Variants in DDX60L observed in about 807,000 individuals in gnomAD.
The protein encoded by DDX60L is DExD/H-box 60 like.
DDX60L carries 191 observed loss-of-function variants against 211.6 expected under a neutral mutation model. The ratio of observed to expected loss-of-function variants is 0.90; its 90% CI spans 0.80 to 1.02. The LOEUF is 1.02. Among genes scored for constraint, DDX60L ranks in the 50% least tolerant of loss-of-function variants. The probability of loss-of-function intolerance (pLI) is 0.00; values close to 1 mark genes in which losing one functional copy is unlikely to be tolerated. For synonymous variants in DDX60L, 706 were observed against 694.1 expected (o/e 1.02, Z -0.27); for missense variants, 2,007 against 1,984.1 (o/e 1.01, Z -0.22).
intron 13 of DDX60L, among the ~76,000 whole-genome samples, chr4:168,428,504 A>G (rs1168477009): frequency 2.0e-5 from 3 of 152,058 alleles, no homozygotes; most frequent in African/African-American, 7.2e-5. Context: ...CATTTTTTGG[A>G]TCTTTTCCTT....
chr4:168,385,241 T>C (rs1743659270), intron 29 of DDX60L, among the ~76,000 whole-genome samples: 1 of 152,172 alleles, frequency 6.6e-6, no homozygotes, highest in Non-Finnish European at 1.5e-5. Context: ...CAGTGGCTAA[T>C]GGTTTAATTC....
intron 8 of DDX60L, among the ~76,000 whole-genome samples, chr4:168,452,174 C>G (rs1052460958): frequency 5.3e-5 from 8 of 152,170 alleles, no homozygotes; most frequent in Non-Finnish European, 1.2e-4. Context: ...ATGTGTGGAC[C>G]AGCTGCCTGA....
intron 32 of DDX60L, 131 bp downstream of exon 32, chr4:168,379,232 T>C: frequency 1.3e-6 from 1 of 786,240 alleles, no homozygotes; most frequent in Non-Finnish European, 1.9e-6. Context: ...TCTGTAAATC[T>C]GAACATATAC....
chr4:168,451,626 T>C (rs1323667691), intron 8 of DDX60L, among the ~76,000 whole-genome samples: 3 of 152,216 alleles, frequency 2.0e-5, no homozygotes, highest in African/African-American at 7.2e-5. Context: ...TTTGGATGTC[T>C]ACAATGCGCT....
Position 168,373,718 on chromosome 4 carries a change from C to G in DDX60L, c.4724G>C (p.Cys1575Ser). 6.2e-7 allele frequency: 1 copy of G among 1,614,040 alleles called. No individual in the cohort carries two copies. Residue 1575 changes from cysteine to serine, a missense_variant, in exon 35 of 38, where the codon TGT becomes TCT. By Grantham distance (112) the Cys-to-Ser change is moderately radical. Transcript: ENST00000682922. The stretch of plus-strand genomic sequence containing the variant: ...ATCATTATCTGTGTTCCCCGAAAGA[C>G]AAACAAATGGTGAAATGGCTACTCT... ...KGRVAISPFV[C>S]LSGNTDNDLL...
intron 12 of DDX60L, 116 bp downstream of exon 12, chr4:168,432,339 G>T: frequency 7.8e-6 from 2 of 255,080 alleles, no homozygotes; most frequent in Non-Finnish European, 1.5e-5. Context: ...ATAATATATA[G>T]ATAGATCTCA....
chr4:168,436,259 T>C (rs1035175569), intron 10 of DDX60L, among the ~76,000 whole-genome samples: 3 of 152,186 alleles, frequency 2.0e-5, no homozygotes, highest in African/African-American at 7.2e-5. Context: ...AAGGAGTCAT[T>C]CCCTCTTCTT....
intron 36 of DDX60L, among the ~76,000 whole-genome samples, chr4:168,367,184 C>CAATT (rs10700902): frequency 0.7 from 105,719 of 151,588 alleles, 38,711 homozygotes; most frequent in East Asian, 0.85. Flanking sequence ...AACTATGAAA[C>CAATT]AATATGGTTT....
At chr4:168,429,123 G>A (rs1231250622) in intron 13 of DDX60L, among the ~76,000 whole-genome samples, 1 of 151,916 alleles carries the variant, frequency 6.6e-6, no homozygotes, top group Non-Finnish European at 1.5e-5. Context: ...GATTTTCACT[G>A]TAACAAACTA....
At position 168,461,930 on chromosome 4, in the gene DDX60L, T is replaced by C; in HGVS notation, c.375A>G (p.Gly125=). ...TNIDVQTEFS[G]CLSQDWKLFL... ...ATAACTTCCAATCTTGTGATAAGCA[T>C]CCAGAAAACTCCGTTTGCACATCAA... The change falls in exon 5 of 38, where the codon GGA becomes GGG. Residue 125 remains glycine, a synonymous_variant. Transcript: ENST00000682922. The C allele has an allele frequency of 2.5e-6, 4 of 1,612,710 alleles. No homozygotes were observed. Among genetic ancestry groups the C allele is most frequent in the Non-Finnish European group, 3.4e-6 (4 of 1,179,256 alleles).
At chr4:168,426,743 A>C (rs887593256) in intron 14 of DDX60L, among the ~76,000 whole-genome samples, 2 of 152,202 alleles carry the variant, frequency 1.3e-5, no homozygotes, top group African/African-American at 4.8e-5. Flanking sequence ...CTTCTCTGAT[A>C]GGCCCTGTTG....
Position 168,356,741 on chromosome 4 carries a change from T to C in DDX60L, c.*1406A>G, listed in dbSNP as rs1311982905. 4.6e-5 allele frequency: 7 copies of C among 152,232 alleles called. 1 individual carries two copies. The highest frequency in any genetic ancestry group is 3.9e-4 in the Admixed American group (6 of 15,278). 9.4% of individuals were successfully genotyped at this position (152,232 alleles called of 1,614,324 possible). A position where few individuals can be genotyped will look rare whatever the true frequency, so the allele number is the denominator to read the frequency against. ...TAAGGAACACAACAGTAAATCAATT[T>C]AATGCCCTTTATTTTCTGATGGGTG... On this transcript the variant is annotated 3_prime_UTR_variant, in exon 38 of 38. Transcript: ENST00000682922.
At chr4:168,376,695 C>G (rs1015446513) in intron 33 of DDX60L, among the ~76,000 whole-genome samples, 7 of 152,178 alleles carry the variant, frequency 4.6e-5, no homozygotes, top group African/African-American at 1.7e-4. Flanking sequence ...GCCATTGTGC[C>G]ACTGCTGGAC....
intron 36 of DDX60L, among the ~76,000 whole-genome samples, chr4:168,364,151 G>T (rs886573189): frequency 6.6e-6 from 1 of 152,048 alleles, no homozygotes; most frequent in African/African-American, 2.4e-5. Context: ...ACAATTGTAT[G>T]CTGACTACTA....
intron 22 of DDX60L, among the ~76,000 whole-genome samples, chr4:168,411,085 C>T (rs1748596598): frequency 6.6e-6 from 1 of 152,182 alleles, no homozygotes; most frequent in Non-Finnish European, 1.5e-5. Flanking sequence ...TGTATACACA[C>T]ACAATTTAGG....
intron 4 of DDX60L, among the ~76,000 whole-genome samples, chr4:168,462,312 C>T (rs1240029179): frequency 6.6e-6 from 1 of 152,168 alleles, no homozygotes; most frequent in African/African-American, 2.4e-5. Flanking sequence ...ATTAAAGTAG[C>T]AAGTGGATAG....
intron 29 of DDX60L, among the ~76,000 whole-genome samples, chr4:168,385,957 AGAGG>A (rs777934599): frequency 1.4e-4 from 21 of 151,590 alleles, no homozygotes; most frequent in Non-Finnish European, 2.5e-4. Flanking sequence ...AGAGAAGGAG[AGAGG>A]GAGGGAGTGA....
rs1449018951 is a variant in DDX60L, at chr4:168,462,129, A to G, written c.265-89T>C. ...TGTTGCTTACAGCACAAAGCTATACAGGACTGAACTCATGTGATCTAATTG... is the reference window on the plus strand; with the variant it reads ...TGTTGCTTACAGCACAAAGCTATACGGGACTGAACTCATGTGATCTAATTG... On this transcript the variant is annotated intron_variant, in intron 4 of 37. Coordinates refer to ENST00000682922, the MANE Select transcript of DDX60L (RefSeq NM_001012967.3). The G allele has an allele frequency of 1.4e-5, 13 of 952,270 alleles. No individual in the cohort carries two copies. The South Asian group carries it at 1.6e-4, about 12-fold the overall frequency. The allele number at this position is 952,270 out of a possible 1,614,324, so 59.0% of individuals were successfully genotyped here.
At chr4:168,412,650 T>C (rs1044474933) in intron 22 of DDX60L, among the ~76,000 whole-genome samples, 2 of 152,168 alleles carry the variant, frequency 1.3e-5, no homozygotes, top group Non-Finnish European at 2.9e-5. Flanking sequence ...CACCTACTGA[T>C]TGTAGAGTCC....
Sources: gnomAD v4.1 joint callset for allele counts (sites outside exome capture counted in the v4.1 genomes callset) on GRCh38, gnomAD v4.1.1 for gene constraint, MANE v1.5 for transcripts, NCBI Gene and HGNC (gene_info 2026-07-23, HGNC 2026-07-21) for gene names.